Variants in KIAA1217 observed in about 807,000 individuals in gnomAD.
KIAA1217 encodes the protein sickle tail protein homolog.
Under a neutral mutation model 163.9 loss-of-function variants are expected in KIAA1217, and 88 were observed. That is an observed-to-expected ratio of 0.54 (90% CI 0.45 to 0.64). The LOEUF (loss-of-function observed/expected upper bound fraction) is 0.64, where lower values mean the gene tolerates loss of function less well. KIAA1217 is among the 30% of genes least tolerant of loss of function. The pLI is 0.00. For missense variants in KIAA1217, 2,372 were observed against 2,475.0 expected, an observed-to-expected ratio of 0.96 and a Z score of 0.88; for synonymous variants, 903 against 923.1, an observed-to-expected ratio of 0.98 and a Z score of 0.39.
intron 2 of KIAA1217, among the ~76,000 whole-genome samples, chr10:24,197,532 C>T (rs187613958): frequency 2.6e-5 from 4 of 152,216 alleles, no homozygotes; most frequent in African/African-American, 7.2e-5. Context: ...AGAACTGAGG[C>T]GGAATGTTGA....
intron 1 of KIAA1217, among the ~76,000 whole-genome samples, chr10:23,866,745 G>A (rs913235732): frequency 6.6e-6 from 1 of 151,968 alleles, no homozygotes; most frequent in African/African-American, 2.4e-5. Flanking sequence ...TGTAGACCCA[G>A]AAGCCCTCAT....
intron 1 of KIAA1217, among the ~76,000 whole-genome samples, chr10:23,854,026 T>G (rs533892337): frequency 8.5e-5 from 13 of 152,316 alleles, no homozygotes; most frequent in African/African-American, 3.1e-4. Flanking sequence ...AGTTCTGCTC[T>G]GATTTTAGTT....
At chr10:24,434,025 CTTTTTTT>C (rs569791889) in intron 4 of KIAA1217, among the ~76,000 whole-genome samples, 2 of 72,634 alleles carry the variant, frequency 2.8e-5, no homozygotes, top group African/African-American at 6.6e-5. Context: ...CTCTCTCTCT[CTTTTTTT>C]TTTTTTTTTT....
At chr10:24,248,518 A>C (rs966797972) in intron 2 of KIAA1217, among the ~76,000 whole-genome samples, 7 of 151,904 alleles carry the variant, frequency 4.6e-5, no homozygotes, top group African/African-American at 1.5e-4. Flanking sequence ...TAAAAATATA[A>C]AAATTAGCCG....
At chr10:24,353,346 A>T (rs1481379384) in intron 2 of KIAA1217, among the ~76,000 whole-genome samples, 1 of 152,160 alleles carries the variant, frequency 6.6e-6, no homozygotes, top group Non-Finnish European at 1.5e-5. Flanking sequence ...CATTAGATTT[A>T]TTCCATCGCA....
At chr10:23,997,811 C>T (rs1429792187) in intron 1 of KIAA1217, among the ~76,000 whole-genome samples, 2 of 152,234 alleles carry the variant, frequency 1.3e-5, no homozygotes, top group East Asian at 3.9e-4. Flanking sequence ...GTTTCCCTTT[C>T]TTACTTGTGT....
chr10:23,709,017 CCT>C (rs1837064059), intron 1 of KIAA1217, among the ~76,000 whole-genome samples: 1 of 152,114 alleles, frequency 6.6e-6, no homozygotes, highest in Non-Finnish European at 1.5e-5. Context: ...CAGTGTGGAT[CCT>C]CCTCTAGGCA....
chr10:23,736,977 A>T (rs1838842204), intron 1 of KIAA1217, among the ~76,000 whole-genome samples: 1 of 152,194 alleles, frequency 6.6e-6, no homozygotes, highest in Non-Finnish European at 1.5e-5. Context: ...TTTTGAGTGA[A>T]TTCTATTTAA....
chr10:24,201,319 C>T (rs930534026), intron 2 of KIAA1217, among the ~76,000 whole-genome samples: 2 of 152,100 alleles, frequency 1.3e-5, no homozygotes, highest in Admixed American at 6.5e-5. Context: ...TGAACTCAAG[C>T]GTTACACAAA....
chr10:23,776,247 A>G (rs1049345109), intron 1 of KIAA1217, among the ~76,000 whole-genome samples: 1 of 152,116 alleles, frequency 6.6e-6, no homozygotes, highest in African/African-American at 2.4e-5. Flanking sequence ...ATTCTTCCCC[A>G]AAGGACACTG....
At chr10:24,402,520 AAACAAAAC>A (rs2056680953) in intron 3 of KIAA1217, among the ~76,000 whole-genome samples, 1 of 81,440 alleles carries the variant, frequency 1.2e-5, no homozygotes, top group Admixed American at 1.2e-4. Flanking sequence ...AAAAAACAAA[AAACAAAAC>A]AAAAAAAAAA....
chr10:24,153,995 T>C (rs1374380295), intron 2 of KIAA1217, among the ~76,000 whole-genome samples: 1 of 150,320 alleles, frequency 6.7e-6, no homozygotes, highest in East Asian at 2.0e-4. Flanking sequence ...TCTCGCTCTG[T>C]CGCCCAGGCT....
chr10:24,043,686 G>C (rs931139886), intron 2 of KIAA1217, among the ~76,000 whole-genome samples: 2 of 152,054 alleles, frequency 1.3e-5, no homozygotes, highest in African/African-American at 4.8e-5. Context: ...TATGTATAAA[G>C]ACATGAAAAA....
intron 2 of KIAA1217, among the ~76,000 whole-genome samples, chr10:24,373,424 G>A (rs1487267493): frequency 6.6e-6 from 1 of 152,114 alleles, no homozygotes; most frequent in Non-Finnish European, 1.5e-5. Flanking sequence ...CCAATTTAGG[G>A]AGAGAGTCTT....
chr10:24,315,613 GC>G (rs1245230874), intron 2 of KIAA1217, among the ~76,000 whole-genome samples: 7 of 152,194 alleles, frequency 4.6e-5, no homozygotes, highest in African/African-American at 1.7e-4. Context: ...AGGAGTGGTG[GC>G]CCACACCTGT....
chr10:23,852,394 A>G (rs965749840), intron 1 of KIAA1217, among the ~76,000 whole-genome samples: 10 of 152,192 alleles, frequency 6.6e-5, no homozygotes, highest in Non-Finnish European at 1.2e-4. Context: ...TGGTACCAGT[A>G]CCATGCCGTT....
At chr10:24,447,389 C>T (rs1564696526) in intron 5 of KIAA1217, among the ~76,000 whole-genome samples, 1 of 152,120 alleles carries the variant, frequency 6.6e-6, no homozygotes, top group Non-Finnish European at 1.5e-5. Context: ...CTCCCCACTC[C>T]TCCCACCCCA....
At chr10:24,103,380 T>C (rs1166506445) in intron 2 of KIAA1217, among the ~76,000 whole-genome samples, 1 of 152,050 alleles carries the variant, frequency 6.6e-6, no homozygotes, top group African/African-American at 2.4e-5. Context: ...AAAGCCACAA[T>C]CCATGAAATA....
At chr10:24,426,884 A>G (rs1349205354) in intron 3 of KIAA1217, among the ~76,000 whole-genome samples, 1 of 152,146 alleles carries the variant, frequency 6.6e-6, no homozygotes, top group Non-Finnish European at 1.5e-5. Context: ...TAAGGCAGGA[A>G]GAGGAGTTGA....
Sources: allele counts gnomAD v4.1 joint callset (sites outside exome capture counted in the v4.1 genomes callset), GRCh38; gene constraint gnomAD v4.1.1; transcripts MANE v1.5; gene names NCBI Gene and HGNC (gene_info 2026-07-23, HGNC 2026-07-21).